TNFAIP8: variants seen among roughly 807,000 people sequenced by gnomAD.
The protein encoded by TNFAIP8 is tumor necrosis factor alpha-induced protein 8.
In TNFAIP8, 7 loss-of-function variants were observed where a neutral mutation model predicts 13.3. That is an observed-to-expected ratio of 0.52 (90% CI 0.30 to 0.99). The LOEUF (loss-of-function observed/expected upper bound fraction) is 0.99. Ranked by LOEUF, TNFAIP8 falls within the 50% of genes least tolerant of loss-of-function variation. TNFAIP8 has a pLI of 0.07. For synonymous variants in TNFAIP8, 94 were observed against 87.6 expected, an observed-to-expected ratio of 1.07 and a Z score of -0.41; for missense variants, 258 against 236.9, an observed-to-expected ratio of 1.09 and a Z score of -0.58.
intron 1 of TNFAIP8, among the ~76,000 whole-genome samples, chr5:119,293,256 G>C (rs561427552): frequency 2.7e-4 from 41 of 152,064 alleles, no homozygotes; most frequent in African/African-American, 8.7e-4. Context: ...ATGTACAATA[G>C]ATTGTTATTA....
At chr5:119,370,961 G>A (rs1752048372) in intron 1 of TNFAIP8, among the ~76,000 whole-genome samples, 1 of 152,148 alleles carries the variant, frequency 6.6e-6, no homozygotes, top group African/African-American at 2.4e-5. Flanking sequence ...CTGTATCTAA[G>A]ATTGCTCTAT....
chr5:119,303,386 C>A (rs1749453890), intron 1 of TNFAIP8, among the ~76,000 whole-genome samples: 2 of 152,120 alleles, frequency 1.3e-5, no homozygotes, highest in African/African-American at 4.8e-5. Flanking sequence ...CTTCCTTCTC[C>A]CTCTGCTGTC....
In TNFAIP8 at chr5:119,333,631, G is replaced by C. The variant is rs539866498; in HGVS notation, c.2-59185G>C. 117 of 1,534,814 alleles carry C rather than the reference G, an allele frequency of 7.6e-5. No individual in the cohort carries two copies. The South Asian group carries it at 1.1e-3, about 15-fold the overall frequency. On this transcript the variant is annotated intron_variant, in intron 1 of 1. Transcript: ENST00000274456. ...ACACGGGGAGAAAATGCTGAAACTA[G>C]GTGAGTTAAAACGGCCTTCAGAATA...
At chr5:119,302,720 C>T (rs1361550777) in intron 1 of TNFAIP8, among the ~76,000 whole-genome samples, 1 of 152,136 alleles carries the variant, frequency 6.6e-6, no homozygotes, top group Non-Finnish European at 1.5e-5. Flanking sequence ...ATAATTAACA[C>T]TTAAAGCTTA....
At position 119,396,356 on chromosome 5, in the gene TNFAIP8, T is replaced by C. The variant is rs1753071762; in HGVS notation, c.*2975T>C. The C allele has an allele frequency of 6.6e-6, 1 of 152,226 alleles. No homozygotes were observed. Among genetic ancestry groups the C allele is most frequent in the African/African-American group, 2.4e-5 (1 of 41,444 alleles). The allele number at this position is 152,226 out of a possible 1,614,324, so 9.4% of individuals were successfully genotyped here. A position where few individuals can be genotyped will look rare whatever the true frequency, so the allele number is the denominator to read the frequency against. ...CAAAGTTTTCAACATGACTCCTACT[T>C]TGGGGGCATCTTGTGGCTCAGTTTT... On this transcript the variant is annotated 3_prime_UTR_variant, in exon 2 of 2. Transcript: ENST00000504771.
At chr5:119,355,215 T>G, upstream of TNFAIP8, 1 of 686,286 alleles carries the variant, frequency 1.5e-6, no homozygotes, top group South Asian at 1.5e-5. Flanking sequence ...CTTTGGCATT[T>G]TGAAGGAATT....
At chr5:119,356,660 G>C (rs1320126849) in intron 1 of TNFAIP8, among the ~76,000 whole-genome samples, 1 of 151,978 alleles carries the variant, frequency 6.6e-6, no homozygotes, top group African/African-American at 2.4e-5. Context: ...TTGGGGGTTT[G>C]AGGGGGCTGA....
At chr5:119,275,199 C>T (rs552102213) in intron 1 of TNFAIP8, among the ~76,000 whole-genome samples, 3 of 152,186 alleles carry the variant, frequency 2.0e-5, no homozygotes, top group African/African-American at 7.2e-5. Flanking sequence ...AAAATATTAA[C>T]AAGCAACCAG....
chr5:119,311,688 CAAAAA>C (rs55965350), intron 1 of TNFAIP8, among the ~76,000 whole-genome samples: 16 of 66,666 alleles, frequency 2.4e-4, no homozygotes, highest in Middle Eastern at 0.013. Context: ...GACTCCGTCT[CAAAAA>C]AAAAAAAAAA....
rs397884992 is a variant in TNFAIP8 at position 119,339,457 on chromosome 5, GTTT to G, written c.2-53338_2-53336del. Reference sequence around the variant, plus strand: ...TACTACACAGGTCTCCTCTTGTGGTGTTTTTTTTTTTTTTTTTTTTTTTAAACT... The same window carrying G: ...TACTACACAGGTCTCCTCTTGTGGTGTTTTTTTTTTTTTTTTTTTTAAACT... On this transcript the variant is annotated intron_variant, in intron 1 of 1. Transcript: ENST00000274456. Among the ~76,000 whole-genome samples the G allele has an allele frequency of 7.9e-3, 913 of 116,178 alleles. 9 individuals carry two copies. The highest frequency in any genetic ancestry group is 0.027 in the African/African-American group (848 of 31,438). 76.2% of individuals were successfully genotyped at this position (116,178 alleles called of 152,430 possible).
chr5:119,374,546 G>T lies in TNFAIP8; in HGVS notation c.32-18270G>T, dbSNP rs558757301. 9.2e-5 allele frequency among the ~76,000 whole-genome samples: 14 copies of T among 152,338 alleles called. No individual in the cohort carries two copies. In the East Asian group the frequency reaches 2.7e-3, roughly 29 times the overall value. ...AGTTGGCAGAAGCCCAGGGGGTCCT[G>T]TTGAAGAGTCAGAGTTGGACGCCTT... is the stretch of plus-strand genomic sequence containing the variant. On this transcript the variant is annotated intron_variant, in intron 1 of 1. Coordinates refer to ENST00000504771, the MANE Select transcript of TNFAIP8 (RefSeq NM_014350.4).
intron 1 of TNFAIP8, among the ~76,000 whole-genome samples, chr5:119,390,420 T>C (rs1016938379): frequency 2.6e-5 from 4 of 152,178 alleles, no homozygotes; most frequent in Non-Finnish European, 5.9e-5. Context: ...ATAAATTCTT[T>C]AGTGTGAATT....
intron 1 of TNFAIP8, among the ~76,000 whole-genome samples, chr5:119,333,988 A>T (rs1466305707): frequency 6.6e-6 from 1 of 152,192 alleles, no homozygotes; most frequent in Non-Finnish European, 1.5e-5. Context: ...TACATTTTCC[A>T]TGCGTTTATT....
intron 1 of TNFAIP8, among the ~76,000 whole-genome samples, chr5:119,349,897 G>A (rs1751053864): frequency 6.6e-6 from 1 of 152,196 alleles, no homozygotes; most frequent in Non-Finnish European, 1.5e-5. Context: ...AAGGGACTTG[G>A]ATTTTATAGG....
At chr5:119,278,111 C>A (rs1748512747) in intron 1 of TNFAIP8, among the ~76,000 whole-genome samples, 1 of 152,020 alleles carries the variant, frequency 6.6e-6, no homozygotes, top group South Asian at 2.1e-4. Context: ...AAGCAAATGC[C>A]AATGAACAGT....
At chr5:119,307,048 T>C (rs1749588456) in intron 1 of TNFAIP8, among the ~76,000 whole-genome samples, 1 of 152,238 alleles carries the variant, frequency 6.6e-6, no homozygotes, top group Non-Finnish European at 1.5e-5. Flanking sequence ...AAATATGAAA[T>C]GATGTACATT....
chr5:119,317,988 A>G (rs1470337657), intron 1 of TNFAIP8, among the ~76,000 whole-genome samples: 1 of 152,178 alleles, frequency 6.6e-6, no homozygotes, highest in East Asian at 1.9e-4. Flanking sequence ...TTCGTCATAA[A>G]TAAGTTGTGT....
At chr5:119,320,251 T>C (rs534712713) in intron 1 of TNFAIP8, among the ~76,000 whole-genome samples, 1 of 152,322 alleles carries the variant, frequency 6.6e-6, no homozygotes, top group South Asian at 2.1e-4. Flanking sequence ...TTCAGATTCA[T>C]TGGTTCAGGG....
chr5:119,302,696 G>A (rs910846835), intron 1 of TNFAIP8, among the ~76,000 whole-genome samples: 1 of 152,132 alleles, frequency 6.6e-6, no homozygotes, highest in African/African-American at 2.4e-5. Flanking sequence ...GGATCAGTGC[G>A]TTAATTTCCA....
Sources: gnomAD v4.1 joint callset for allele counts (sites outside exome capture counted in the v4.1 genomes callset) on GRCh38, gnomAD v4.1.1 for gene constraint, MANE v1.5 for transcripts, NCBI Gene and HGNC (gene_info 2026-07-23, HGNC 2026-07-21) for gene names.